The following HS6ST3 variants were observed in gnomAD, a reference collection of about 807,000 sequenced individuals.
HS6ST3 encodes heparan sulfate 6-O-sulfotransferase 3.
A neutral mutation model predicts 36.7 loss-of-function variants in HS6ST3; 12 were observed. That is an observed-to-expected ratio of 0.33 (90% CI 0.21 to 0.53). HS6ST3 has a LOEUF of 0.53. Among genes scored for constraint, HS6ST3 ranks in the 20% least tolerant of loss-of-function variants. The pLI is 0.95. For missense variants in HS6ST3, 584 were observed against 640.9 expected, an observed-to-expected ratio of 0.91 and a Z score of 0.96; for synonymous variants, 240 against 257.5, an observed-to-expected ratio of 0.93 and a Z score of 0.65.
intron 1 of HS6ST3, among the ~76,000 whole-genome samples, chr13:96,492,859 A>G (rs1226207144): frequency 6.6e-6 from 1 of 152,154 alleles, no homozygotes; most frequent in Non-Finnish European, 1.5e-5. Flanking sequence ...GAGAAGAGAG[A>G]CTGAATTCTC....
chr13:96,762,405 A>G (rs1876992398), intron 1 of HS6ST3, among the ~76,000 whole-genome samples: 1 of 149,368 alleles, frequency 6.7e-6, no homozygotes, highest in Non-Finnish European at 1.5e-5. Flanking sequence ...GCTGGAACCC[A>G]GGAGATGGAG....
chr13:96,149,273 T>G (rs1458648882), intron 1 of HS6ST3, among the ~76,000 whole-genome samples: 1 of 152,196 alleles, frequency 6.6e-6, no homozygotes, highest in Non-Finnish European at 1.5e-5. Context: ...CACTCTGAAC[T>G]GTTAGTGCCT....
intron 1 of HS6ST3, among the ~76,000 whole-genome samples, chr13:96,827,177 A>G (rs1878666748): frequency 6.6e-6 from 1 of 152,198 alleles, no homozygotes; most frequent in African/African-American, 2.4e-5. Flanking sequence ...CCTTGAGGAC[A>G]TGGAATATTA....
chr13:96,419,346 T>G (rs2139467055), intron 1 of HS6ST3, among the ~76,000 whole-genome samples: 1 of 152,294 alleles, frequency 6.6e-6, no homozygotes, highest in South Asian at 2.1e-4. Flanking sequence ...TAGAATGGCC[T>G]TTTATAGAAC....
At chr13:96,581,565 G>A (rs577247272) in intron 1 of HS6ST3, among the ~76,000 whole-genome samples, 3 of 152,038 alleles carry the variant, frequency 2.0e-5, no homozygotes, top group Admixed American at 6.6e-5. Context: ...CAGCACTGCC[G>A]GAAGAAGTAG....
chr13:96,573,613 A>G, intron 1 of HS6ST3: 2 of 218,680 alleles, frequency 9.1e-6, no homozygotes, highest in Non-Finnish European at 1.8e-5. Context: ...CTAGAACTCG[A>G]GCACCCAATC....
chr13:96,625,063 A>G (rs996371360), intron 1 of HS6ST3, among the ~76,000 whole-genome samples: 36 of 152,322 alleles, frequency 2.4e-4, no homozygotes, highest in Admixed American at 1.5e-3. Flanking sequence ...GAGCTAGCCC[A>G]TAGGCAGTGC....
Position 96,112,583 on chromosome 13 carries a change from ATATAT to A in HS6ST3, c.707+21015_707+21019del, listed in dbSNP as rs1566884882. 5.0e-4 allele frequency among the ~76,000 whole-genome samples: 21 copies of A among 41,984 alleles called. 1 individual carries two copies. The highest frequency in any genetic ancestry group is 1.5e-3 in the African/African-American group (18 of 11,704). The allele number at this position is 41,984 out of a possible 152,430, so 27.5% of individuals were successfully genotyped here. On this transcript the variant is annotated intron_variant, in intron 1 of 1. Coordinates refer to ENST00000376705, the MANE Select transcript of HS6ST3 (RefSeq NM_153456.4). The stretch of plus-strand genomic sequence containing the variant: ...CCCCATCTCTAAAATAAATAAATAT[ATATAT>A]ATATATATATATATATATATATATA...
At chr13:96,732,965 T>C (rs1409385512) in intron 1 of HS6ST3, among the ~76,000 whole-genome samples, 5 of 152,258 alleles carry the variant, frequency 3.3e-5, no homozygotes, top group Non-Finnish European at 7.3e-5. Flanking sequence ...AGAAATACTA[T>C]TAATTTTGTA....
chr13:96,220,133 G>T (rs2054448266), intron 1 of HS6ST3, among the ~76,000 whole-genome samples: 1 of 152,208 alleles, frequency 6.6e-6, no homozygotes, highest in African/African-American at 2.4e-5. Context: ...TTGTCTGGGA[G>T]CACATTCCTT....
At chr13:96,429,808 TGTC>T (rs1433216747) in intron 1 of HS6ST3, among the ~76,000 whole-genome samples, 2 of 152,236 alleles carry the variant, frequency 1.3e-5, no homozygotes, top group Non-Finnish European at 2.9e-5. Flanking sequence ...CTTTTTTTGT[TGTC>T]AGAATAATGC....
intron 1 of HS6ST3, among the ~76,000 whole-genome samples, chr13:96,194,108 A>G (rs2054301116): frequency 6.6e-6 from 1 of 152,156 alleles, no homozygotes. Flanking sequence ...TCCCCTGCCC[A>G]TTCTCAAAGC....
At chr13:96,254,659 G>C (rs1566302819) in intron 1 of HS6ST3, among the ~76,000 whole-genome samples, 2 of 151,244 alleles carry the variant, frequency 1.3e-5, no homozygotes, top group East Asian at 2.0e-4. Context: ...AGCTCAGTTG[G>C]AATCAGCCAA....
intron 1 of HS6ST3, among the ~76,000 whole-genome samples, chr13:96,278,312 C>T (rs926723331): frequency 4.6e-5 from 7 of 152,130 alleles, no homozygotes; most frequent in African/African-American, 1.7e-4. Flanking sequence ...CCTTTTCCAG[C>T]ATAATATCCT....
chr13:96,330,211 T>G (rs2139420017), intron 1 of HS6ST3, among the ~76,000 whole-genome samples: 1 of 149,992 alleles, frequency 6.7e-6, no homozygotes, highest in South Asian at 2.1e-4. Flanking sequence ...ATGTGTGAAT[T>G]TGATCCTGTC....
chr13:96,563,714 C>CT (rs1416366460), intron 1 of HS6ST3, among the ~76,000 whole-genome samples: 5 of 152,166 alleles, frequency 3.3e-5, no homozygotes, highest in African/African-American at 1.2e-4. Flanking sequence ...AAGTGACTTG[C>CT]TAATGGCCAT....
chr13:96,146,012 T>C (rs1467651738), intron 1 of HS6ST3, among the ~76,000 whole-genome samples: 1 of 152,234 alleles, frequency 6.6e-6, no homozygotes, highest in Non-Finnish European at 1.5e-5. Flanking sequence ...CATTGGTCTA[T>C]ATCTCTGTTT....
intron 1 of HS6ST3, among the ~76,000 whole-genome samples, chr13:96,179,414 A>G (rs1425702766): frequency 2.0e-5 from 3 of 152,176 alleles, no homozygotes; most frequent in Non-Finnish European, 4.4e-5. Flanking sequence ...AGTTTCTGAT[A>G]ATGCCATCTT....
At chr13:96,749,729 C>T (rs945446283) in intron 1 of HS6ST3, among the ~76,000 whole-genome samples, 2 of 152,072 alleles carry the variant, frequency 1.3e-5, no homozygotes, top group African/African-American at 4.8e-5. Flanking sequence ...TATGGTCACT[C>T]ATCTGCTGAA....
Sources: allele counts gnomAD v4.1 joint callset (sites outside exome capture counted in the v4.1 genomes callset), GRCh38; gene constraint gnomAD v4.1.1; transcripts MANE v1.5; gene names NCBI Gene and HGNC (gene_info 2026-07-23, HGNC 2026-07-21).